Variants in SHKBP1 observed in about 807,000 individuals in gnomAD.
SHKBP1 encodes the protein SH3KBP1-binding protein 1.
In SHKBP1, 71 loss-of-function variants were observed where a neutral mutation model predicts 83.9. That is an observed-to-expected ratio of 0.85 (90% CI 0.70 to 1.03). The LOEUF is 1.03. Ranked by LOEUF, SHKBP1 falls within the 50% of genes least tolerant of loss-of-function variation. The pLI is 0.00. For synonymous variants in SHKBP1, 371 were observed against 398.0 expected, an observed-to-expected ratio of 0.93 and a Z score of 0.81; for missense variants, 824 against 982.4, an observed-to-expected ratio of 0.84 and a Z score of 2.16.
In SHKBP1 at chr19:40,588,673, C is replaced by T. The variant is rs758986146; in HGVS notation, c.1386C>T (p.Arg462=). 3.8e-5 allele frequency: 62 copies of T among 1,614,018 alleles called. No homozygotes were observed. Among genetic ancestry groups the T allele is most frequent in the African/African-American group, 2.0e-4 (15 of 74,920 alleles). The change falls in exon 14 of 18, where the codon CGC becomes CGT. Residue 462 remains arginine, a synonymous_variant. Transcript: ENST00000291842. ...HVRTWSVTRF[R]GMISTQPGST... ...GGACATGGTCTGTGACTCGCTTCCG[C>T]GGCATGATTTCCACCCAGCCCGGCT...
intron 9 of SHKBP1, among the ~76,000 whole-genome samples, chr19:40,581,925 C>CTT (rs58051153): frequency 0.2 from 29,562 of 145,314 alleles, 3,083 homozygotes; most frequent in East Asian, 0.25. Context: ...GGAATCTTCA[C>CTT]TTTTTTTTTT....
Position 40,582,592 on chromosome 19 carries a change from T to C in SHKBP1, c.960+126T>C. The C allele has an allele frequency of 4.0e-6, 3 of 743,794 alleles. No homozygotes were observed. In the South Asian group the frequency reaches 5.4e-5, roughly 13 times the overall value. 46.1% of individuals were successfully genotyped at this position (743,794 alleles called of 1,614,324 possible). A position where few individuals can be genotyped will look rare whatever the true frequency, so the allele number is the denominator to read the frequency against. ...TGGAGGAAGCCAGAGAACCAGCAGCTGGCCAGAGCCTGGGGATGTCTGTGA... is the reference window on the plus strand; with the variant it reads ...TGGAGGAAGCCAGAGAACCAGCAGCCGGCCAGAGCCTGGGGATGTCTGTGA... On this transcript the variant is annotated intron_variant, in intron 10 of 17. Coordinates refer to ENST00000291842, the MANE Select transcript of SHKBP1 (RefSeq NM_138392.4).
Position 40,591,159 on chromosome 19 carries a change from C to T in SHKBP1, c.2076C>T (p.Gly692=). The T allele has an allele frequency of 6.2e-7, 1 of 1,602,440 alleles. No homozygotes were observed. Among genetic ancestry groups the T allele is most frequent in the Non-Finnish European group, 8.5e-7 (1 of 1,170,674 alleles). ...TPAPWPSSGL[G]TPLTPPKMKL... is the part of the protein sequence containing the mutation. ...CCCCGTGGCCCTCCAGCGGTCTCGG[C>T]ACTCCCCTCACACCTCCCAAGATGA... Residue 692 remains glycine (G), a synonymous_variant, in exon 18 of 18, where the codon GGC becomes GGT. Transcript: ENST00000291842.
chr19:40,586,353 C>CTCTT (rs559044275), intron 12 of SHKBP1, among the ~76,000 whole-genome samples: 1,790 of 151,064 alleles, frequency 0.012, 36 homozygotes, highest in African/African-American at 0.042. Context: ...TGTTCTGTGT[C>CTCTT]TCTTTCTTTC....
chr19:40,580,340 G>A lies in SHKBP1; in HGVS notation c.417G>A (p.Arg139=). The change falls in exon 7 of 18, where the codon CGG becomes CGA. Residue 139 remains arginine (R), a synonymous_variant. Transcript: ENST00000291842. The part of the protein sequence containing the change: ...YLPPPVFPVK[R]RNRHSLVGPQ... ...TCACTGTAGTGTTCCCAGTGAAGCG[G>A]CGGAACCGGCACAGCCTAGTGGGGC... The A allele has an allele frequency of 6.2e-7, 1 of 1,614,050 alleles. No individual in the cohort carries two copies. Among genetic ancestry groups the A allele is most frequent in the Admixed American group, 1.7e-5 (1 of 60,004 alleles).
In SHKBP1 at chr19:40,580,836, T is replaced by C. The variant is rs758481613; in HGVS notation, c.744T>C (p.His248=). 3.3e-5 allele frequency: 53 copies of C among 1,613,448 alleles called. No homozygotes were observed. The highest frequency in any genetic ancestry group is 4.3e-5 in the Non-Finnish European group (51 of 1,179,780). The part of the protein sequence containing the change: ...IERLALTARV[H]GGALGEHDKM... The stretch of plus-strand genomic sequence containing the variant: ...GACTGGCGCTCACAGCCCGGGTGCA[T>C]GGTGGGGCTTTGGGTGAACATGACA... The change falls in exon 9 of 18, where the codon CAT becomes CAC. Residue 248 remains histidine, a synonymous_variant. Transcript: ENST00000291842.
rs75551227 is a variant in SHKBP1, at chr19:40,591,318, T to C, written c.*111T>C. 1.0e-3 allele frequency: 975 copies of C among 941,982 alleles called. 9 individuals carry two copies. The East Asian group carries it at 0.023, about 22-fold the overall frequency. The allele number at this position is 941,982 out of a possible 1,614,324, so 58.4% of individuals were successfully genotyped here. On this transcript the variant is annotated 3_prime_UTR_variant, in exon 18 of 18. Coordinates refer to ENST00000291842, the MANE Select transcript of SHKBP1 (RefSeq NM_138392.4). ...AGGGCCAGGGCCTCCTTGGAATAAA[T>C]GGTTATTGTTACTAGGTCCCCACCT...
intron 13 of SHKBP1, 105 bp downstream of exon 13, chr19:40,587,049 A>G: frequency 9.0e-7 from 1 of 1,111,750 alleles, no homozygotes; most frequent in Non-Finnish European, 1.3e-6. Flanking sequence ...GTGTAGGAAG[A>G]GAGCTCTGGC....
At chr19:40,583,074 C>T (rs116881479) in intron 10 of SHKBP1, among the ~76,000 whole-genome samples, 1,740 of 151,836 alleles carry the variant, frequency 0.011, 14 homozygotes, top group Non-Finnish European at 0.018. Flanking sequence ...TTTGGGAGGC[C>T]GAGGCAAGAG....
chr19:40,577,575 C>G lies in SHKBP1; in HGVS notation c.205C>G (p.Pro69Ala). 1 of 1,614,074 alleles carries G rather than the reference C, an allele frequency of 6.2e-7. No homozygotes were observed. The highest frequency in any genetic ancestry group is 8.5e-7 in the Non-Finnish European group (1 of 1,180,002). Reference protein sequence around the residue: ...ETGAIFIDRDPTVFAPILNFL... With the variant: ...ETGAIFIDRDATVFAPILNFL... ...CCCGCAGATCTTCATCGACAGGGACCCTACAGTCTTCGCCCCCATCCTCAA... is the reference window on the plus strand; with the variant it reads ...CCCGCAGATCTTCATCGACAGGGACGCTACAGTCTTCGCCCCCATCCTCAA... The change falls in exon 4 of 18, where the codon CCT becomes GCT. Residue 69 changes from proline (P) to alanine (A), a missense_variant. Coordinates refer to ENST00000291842, the MANE Select transcript of SHKBP1 (RefSeq NM_138392.4).
At chr19:40,583,334 G>A in intron 10 of SHKBP1, 64 bp from the exon 11 acceptor site, 1 of 1,366,758 alleles carries the variant, frequency 7.3e-7, no homozygotes, top group Non-Finnish European at 1.0e-6. Context: ...CTCTGTGAGG[G>A]GTCACCACGG....
In SHKBP1 at chr19:40,590,088, GC is replaced by G; in HGVS notation, c.1590-155del. The G allele has an allele frequency of 2.5e-6, 2 of 804,078 alleles. No homozygotes were observed. The highest frequency in any genetic ancestry group is 3.8e-6 in the Non-Finnish European group (2 of 527,800). 49.8% of individuals were successfully genotyped at this position (804,078 alleles called of 1,614,324 possible). On this transcript the variant is annotated intron_variant, in intron 15 of 17. Transcript: ENST00000291842. This position sits in a 1 kb window ranked among gnomAD's most constrained non-coding sequence, Gnocchi z 4.6. ...TTTGGGGCTGCGGTGTCCAAGAGCT[GC>G]TGGACCCTTGGGACTGGAACTCAAA... is the stretch of plus-strand genomic sequence containing the variant.
chr19:40,580,781 C>T lies in SHKBP1; in HGVS notation c.689C>T (p.Ser230Phe), dbSNP rs1245774127. The stretch of plus-strand genomic sequence containing the variant: ...GCCTCTGGCTGGCAGCTGGTGTTTT[C>T]CAGCCCCCGCCTGGACTGGCCCATC... ...KEASGWQLVFSSPRLDWPIER... is the reference protein window; with the variant it reads ...KEASGWQLVFFSPRLDWPIER... The change falls in exon 9 of 18, where the codon TCC becomes TTC. Residue 230 changes from serine (S) to phenylalanine (F), a missense_variant. This residue lies in a region of SHKBP1 where 355 missense variants were observed against 386.4 expected (regional missense o/e 0.92). Transcript: ENST00000291842. 7.4e-6 allele frequency: 12 copies of T among 1,610,984 alleles called. No homozygotes were observed. Among genetic ancestry groups the T allele is most frequent in the African/African-American group, 1.3e-5 (1 of 74,990 alleles).
At chr19:40,577,493 AG>A (rs1165776723) in intron 3 of SHKBP1, 52 bp downstream of exon 3, 1 of 1,613,778 alleles carries the variant, frequency 6.2e-7, no homozygotes, top group East Asian at 2.2e-5. Flanking sequence ...TGGTAGGAAG[AG>A]GGGCAGGACC....
chr19:40,588,634 C>A lies in SHKBP1; in HGVS notation c.1347C>A (p.Asp449Glu). 1 of 1,614,212 alleles carries A rather than the reference C, an allele frequency of 6.2e-7. No individual in the cohort carries two copies. Among genetic ancestry groups the A allele is most frequent in the Non-Finnish European group, 8.5e-7 (1 of 1,180,034 alleles). ...CCTTGTGCCCCTCAGTCTGTGCCGA[C>A]AACAACCACGTGCGGACATGGTCTG... is the stretch of plus-strand genomic sequence containing the variant. Reference protein sequence around the residue: ...SEKHLISVCADNNHVRTWSVT... With the variant: ...SEKHLISVCAENNHVRTWSVT... Residue 449 changes from aspartate to glutamate, a missense_variant, in exon 14 of 18, where the codon GAC becomes GAA. Coordinates refer to ENST00000291842, the MANE Select transcript of SHKBP1 (RefSeq NM_138392.4).
intron 15 of SHKBP1, among the ~76,000 whole-genome samples, chr19:40,589,762 G>C (rs1054304298): frequency 2.0e-5 from 3 of 152,090 alleles, no homozygotes; most frequent in African/African-American, 4.8e-5. Flanking sequence ...AGGCTGAGAA[G>C]GGCCAAATAG....
intron 4 of SHKBP1, chr19:40,577,948 TACAC>T (rs58880858): frequency 0.15 from 85,314 of 558,468 alleles, 1,921 homozygotes; most frequent in African/African-American, 0.25. Context: ...GATTTCTCCC[TACAC>T]ACACACACAC....
intron 1 of SHKBP1, 122 bp downstream of exon 1, chr19:40,577,107 C>A: frequency 1.5e-6 from 2 of 1,333,676 alleles, no homozygotes; most frequent in African/African-American, 1.5e-5. Flanking sequence ...CCTTTGGAGG[C>A]GCGAGATTCT....
chr19:40,587,619 G>A (rs182058498), intron 13 of SHKBP1, among the ~76,000 whole-genome samples: 1 of 151,894 alleles, frequency 6.6e-6, no homozygotes, highest in East Asian at 1.9e-4. Flanking sequence ...ATGCAAATCA[G>A]GCTGGGCACT....
Sources: gnomAD v4.1 joint callset for allele counts (sites outside exome capture counted in the v4.1 genomes callset) on GRCh38, gnomAD v4.1.1 for gene constraint, gnomAD v4.1.1 regional missense constraint, Gnocchi (gnomAD v3.1) non-coding constraint, MANE v1.5 for transcripts, NCBI Gene and HGNC (gene_info 2026-07-23, HGNC 2026-07-21) for gene names.